The following PDE1C variants were observed in gnomAD, a reference collection of about 807,000 sequenced individuals.
The protein encoded by PDE1C is phosphodiesterase 1C, also known as dual specificity calcium/calmodulin-dependent 3',5'-cyclic nucleotide phosphodiesterase 1C.
PDE1C carries 62 observed loss-of-function variants against 93.1 expected under a neutral mutation model. That is an observed-to-expected ratio of 0.67 (90% CI 0.54 to 0.82). PDE1C has a LOEUF of 0.82. PDE1C is among the 40% of genes least tolerant of loss of function. PDE1C has a pLI of 0.00. For missense variants in PDE1C, 742 were observed against 884.6 expected, an observed-to-expected ratio of 0.84 and a Z score of 2.04; for synonymous variants, 325 against 310.1, an observed-to-expected ratio of 1.05 and a Z score of -0.50.
chr7:31,759,513 A>T (rs2128605209), intron 17 of PDE1C, among the ~76,000 whole-genome samples: 2 of 152,306 alleles, frequency 1.3e-5, no homozygotes, highest in South Asian at 4.1e-4. Flanking sequence ...GGGATACTTT[A>T]AAAAAGTCTG....
intron 1 of PDE1C, among the ~76,000 whole-genome samples, chr7:32,377,217 A>C (rs1031355860): frequency 1.3e-5 from 2 of 152,212 alleles, no homozygotes; most frequent in African/African-American, 4.8e-5. Context: ...ATTAGTCCCA[A>C]GTGTGCCAAG....
chr7:32,198,536 A>G (rs1046707315), intron 2 of PDE1C, among the ~76,000 whole-genome samples: 8 of 152,206 alleles, frequency 5.3e-5, no homozygotes, highest in African/African-American at 1.7e-4. Context: ...TCTTTAGATT[A>G]CCATTCTACC....
chr7:32,126,046 T>G (rs1799560445), intron 3 of PDE1C, among the ~76,000 whole-genome samples: 1 of 151,962 alleles, frequency 6.6e-6, no homozygotes, highest in Admixed American at 6.6e-5. Flanking sequence ...CATGAAGAAG[T>G]TTACTTTTGA....
chr7:31,710,044 G>A, the PDE1C span, among the ~76,000 whole-genome samples: 2 of 152,150 alleles, frequency 1.3e-5, no homozygotes, highest in Non-Finnish European at 2.9e-5. Context: ...GGCTACTCAG[G>A]AGGCTGAAGT....
At chr7:31,831,999 G>C (rs765244492) in intron 11 of PDE1C, among the ~76,000 whole-genome samples, 1 of 152,078 alleles carries the variant, frequency 6.6e-6, no homozygotes, top group Non-Finnish European at 1.5e-5. Flanking sequence ...CAGAGCACAG[G>C]AAAGACATTG....
intron 1 of PDE1C, among the ~76,000 whole-genome samples, chr7:32,219,270 C>T (rs1244436135): frequency 6.6e-6 from 1 of 152,166 alleles, no homozygotes; most frequent in African/African-American, 2.4e-5. Context: ...ATGATGGAGT[C>T]TGCCCAGGGA....
chr7:32,316,556 G>T (rs1188401261), intron 1 of PDE1C, among the ~76,000 whole-genome samples: 1 of 152,196 alleles, frequency 6.6e-6, no homozygotes, highest in Non-Finnish European at 1.5e-5. Flanking sequence ...ACTTGCATGA[G>T]ACTGAAGTTC....
chr7:32,165,434 G>C (rs1802183738), intron 3 of PDE1C, among the ~76,000 whole-genome samples: 1 of 152,148 alleles, frequency 6.6e-6, no homozygotes, highest in African/African-American at 2.4e-5. Context: ...CCTGAAACTG[G>C]GTAATTTATA....
chr7:32,394,429 G>T, intron 1 of PDE1C, among the ~76,000 whole-genome samples: 1 of 152,188 alleles, frequency 6.6e-6, no homozygotes, highest in East Asian at 1.9e-4. Flanking sequence ...TGGGTGATGG[G>T]GGAGGATCCC....
At chr7:31,680,503 T>C in the PDE1C span, among the ~76,000 whole-genome samples, 4 of 152,220 alleles carry the variant, frequency 2.6e-5, no homozygotes, top group Non-Finnish European at 4.4e-5. Flanking sequence ...CAAGGGACCT[T>C]GGTCTCTGAA....
the PDE1C span, among the ~76,000 whole-genome samples, chr7:31,665,600 G>T: frequency 1.3e-5 from 2 of 152,172 alleles, no homozygotes; most frequent in Admixed American, 6.5e-5. Context: ...GGAATTTTTA[G>T]TTTGGGGAGG....
chr7:31,976,035 C>A (rs111714505), intron 2 of PDE1C, among the ~76,000 whole-genome samples: 2 of 152,260 alleles, frequency 1.3e-5, no homozygotes, highest in African/African-American at 4.8e-5. Flanking sequence ...AGGCCATGAG[C>A]CATCAAGAAA....
the PDE1C span, among the ~76,000 whole-genome samples, chr7:31,622,451 ACTCACTCAAAACTG>A: frequency 6.6e-6 from 1 of 151,482 alleles, no homozygotes; most frequent in Admixed American, 6.6e-5. Flanking sequence ...GGATTAAGAA[ACTCACTCAAAACTG>A]CTCAACTACA....
intron 3 of PDE1C, among the ~76,000 whole-genome samples, chr7:32,087,808 A>T (rs1300007442): frequency 6.6e-6 from 1 of 150,590 alleles, no homozygotes; most frequent in Admixed American, 6.6e-5. Context: ...CAATGAAAAC[A>T]CATGGACACA....
chr7:32,261,912 T>C (rs1321406247), intron 1 of PDE1C, among the ~76,000 whole-genome samples: 2 of 151,858 alleles, frequency 1.3e-5, no homozygotes, highest in African/African-American at 4.8e-5. Flanking sequence ...TGGGCTAAAA[T>C]TATCCTGAAC....
chr7:31,755,709 C>T (rs1025787779), intron 17 of PDE1C, among the ~76,000 whole-genome samples: 6 of 151,906 alleles, frequency 3.9e-5, no homozygotes, highest in African/African-American at 9.7e-5. Flanking sequence ...CATTTTAACC[C>T]GAAGTATAAA....
the PDE1C span, among the ~76,000 whole-genome samples, chr7:31,681,844 T>A: frequency 5.3e-5 from 8 of 152,332 alleles, 1 homozygote; most frequent in South Asian, 1.4e-3. Flanking sequence ...CACACATTGG[T>A]ATCTTCTGAT....
the PDE1C span, among the ~76,000 whole-genome samples, chr7:31,688,840 A>G: frequency 6.6e-6 from 1 of 152,164 alleles, no homozygotes; most frequent in Non-Finnish European, 1.5e-5. Context: ...CTGTCAAACA[A>G]CCACAACCAG....
Position 32,362,667 on chromosome 7 carries a change from A to G in PDE1C, c.310+65155T>C, listed in dbSNP as rs372321960. Among the ~76,000 whole-genome samples, 9 of 152,230 alleles carry G rather than the reference A, an allele frequency of 5.9e-5. 2 individuals are homozygous for G. Among genetic ancestry groups the G allele is most frequent in the East Asian group, 1.9e-4 (1 of 5,170 alleles). On this transcript the variant is annotated intron_variant, in intron 1 of 1. Transcript: ENST00000672256. ...GGCAGTAATCACCTGCCTGGGCCCT[A>G]CACTTCTTGTACACACCCTCCTCTC...
Sources: gnomAD v4.1 joint callset for allele counts (sites outside exome capture counted in the v4.1 genomes callset) on GRCh38, gnomAD v4.1.1 for gene constraint, MANE v1.5 for transcripts, NCBI Gene and HGNC (gene_info 2026-07-23, HGNC 2026-07-21) for gene names.